Variants in PPP2R3C observed in about 807,000 individuals in gnomAD.
PPP2R3C encodes protein phosphatase 2 regulatory subunit B''gamma, also known as serine/threonine-protein phosphatase 2A regulatory subunit B'' subunit gamma.
In PPP2R3C, 47 loss-of-function variants were observed where a neutral mutation model predicts 63.7. That is an observed-to-expected ratio of 0.74 (90% CI 0.58 to 0.94). The LOEUF (loss-of-function observed/expected upper bound fraction) is 0.94, where lower values mean the gene tolerates loss of function less well. PPP2R3C is among the 40% of genes least tolerant of loss of function. The probability of loss-of-function intolerance (pLI) is 0.00; values close to 1 mark genes in which losing one functional copy is unlikely to be tolerated. For missense variants in PPP2R3C, 421 were observed against 518.4 expected, an observed-to-expected ratio of 0.81 and a Z score of 1.82; for synonymous variants, 180 against 177.4, an observed-to-expected ratio of 1.01 and a Z score of -0.12.
Position 35,096,954 on chromosome 14 carries a change from G to A in PPP2R3C, c.707-190C>T, listed in dbSNP as rs566120550. 5.9e-5 allele frequency among the ~76,000 whole-genome samples: 9 copies of A among 152,228 alleles called. No homozygotes were observed. The East Asian group carries it at 7.7e-4, about 13-fold the overall frequency. On this transcript the variant is annotated intron_variant, in intron 7 of 12. Transcript: ENST00000261475. ...TCTCGGCTGGGCGCGGTGGCTCACC[G>A]CGTAATTCCAGCACTTTGGGAAGCT...
chr14:35,109,034 G>A (rs1260128590), intron 4 of PPP2R3C, among the ~76,000 whole-genome samples: 1 of 151,912 alleles, frequency 6.6e-6, no homozygotes, highest in Non-Finnish European at 1.5e-5. Flanking sequence ...TCTGTCTTAA[G>A]GCTGAAAGTG....
At chr14:35,120,286 C>G (rs1213434606) in intron 1 of PPP2R3C, among the ~76,000 whole-genome samples, 3 of 151,942 alleles carry the variant, frequency 2.0e-5, no homozygotes, top group African/African-American at 7.3e-5. Flanking sequence ...CTCGGTCGCC[C>G]AGGCCGGAGT....
chr14:35,109,740 G>A lies in PPP2R3C; in HGVS notation c.404+79C>T, dbSNP rs1012025118. The A allele has an allele frequency of 5.1e-6, 6 of 1,165,406 alleles. No individual in the cohort carries two copies. The Admixed American group carries it at 1.2e-4, about 23-fold the overall frequency. The allele number at this position is 1,165,406 out of a possible 1,614,324, so 72.2% of individuals were successfully genotyped here. On this transcript the variant is annotated intron_variant, in intron 4 of 12. Transcript: ENST00000261475. ...AAAACTGCTGGGATTACAGGTGTGA[G>A]CCACTGTGCCCAGCCAATATTTGAG...
intron 12 of PPP2R3C, chr14:35,086,429 TGTTAA>T (rs1179256042): frequency 1.3e-5 from 2 of 151,860 alleles, no homozygotes; most frequent in African/African-American, 4.8e-5. Flanking sequence ...AAACTCCTGA[TGTTAA>T]GTAATCTGCC....
intron 1 of PPP2R3C, chr14:35,117,248 G>A (rs534601090): frequency 2.3e-6 from 1 of 437,844 alleles, no homozygotes; most frequent in Admixed American, 2.5e-5. Flanking sequence ...CTATTACCCT[G>A]CAACTCGCCT....
chr14:35,110,231 T>C (rs753292387), intron 3 of PPP2R3C: 10 of 439,898 alleles, frequency 2.3e-5, no homozygotes, highest in Non-Finnish European at 4.0e-5. Flanking sequence ...TAAAGTCATA[T>C]AGCAGGGCTG....
intron 2 of PPP2R3C, among the ~76,000 whole-genome samples, chr14:35,115,754 T>A (rs1038776052): frequency 2.8e-4 from 43 of 152,210 alleles, no homozygotes; most frequent in African/African-American, 1.0e-3. Flanking sequence ...CCTGAGTAGC[T>A]AGGATTACCG....
rs1303227207 is a variant in PPP2R3C, at chr14:35,121,926, C to T, written c.34G>A (p.Ala12Thr). Residue 12 changes from alanine (A) to threonine (T), a missense_variant, in exon 1 of 13, where the codon GCG (alanine) becomes ACG (threonine). Coordinates refer to ENST00000261475, the MANE Select transcript of PPP2R3C (RefSeq NM_017917.4). ...DWKEVLRRRL[A>T]TPNTCPNKKK... ...CTGTTTGGACAGGTGTTGGGCGTCG[C>T]TAGGCGCCGACGAAGAACTTCTTTC... The T allele has an allele frequency of 6.2e-7, 1 of 1,614,164 alleles. No individual in the cohort carries two copies. Among genetic ancestry groups the T allele is most frequent in the South Asian group, 1.1e-5 (1 of 91,088 alleles).
At chr14:35,105,603 A>G (rs1208885428) in intron 6 of PPP2R3C, among the ~76,000 whole-genome samples, 1 of 152,086 alleles carries the variant, frequency 6.6e-6, no homozygotes, top group Non-Finnish European at 1.5e-5. Flanking sequence ...AAAATAAAAA[A>G]CCAAACCCCA....
chr14:35,116,687 T>C lies in PPP2R3C; in HGVS notation c.109A>G (p.Lys37Glu), dbSNP rs1388343537. The C allele has an allele frequency of 1.3e-5, 20 of 1,597,622 alleles. No individual in the cohort carries two copies. The highest frequency in any genetic ancestry group is 1.6e-5 in the Non-Finnish European group (19 of 1,168,932). The change falls in exon 2 of 13, where the codon AAA (lysine) becomes GAA (glutamate). Residue 37 changes from lysine to glutamate, a missense_variant. This residue lies in a region of PPP2R3C where 143 missense variants were observed against 151.2 expected (regional missense o/e 0.95). Transcript: ENST00000261475. ...LKDEEMDLFT[K>E]YYSEWKGGRK... is the part of the protein sequence containing the mutation. ...CCTCCTTTCCATTCGGAGTAATATT[T>C]TGTAAATAAATCCATTTCTTCATCT...
intron 1 of PPP2R3C, 35 bp downstream of exon 1, chr14:35,121,867 G>T (rs2046912780): frequency 6.2e-7 from 1 of 1,612,808 alleles, no homozygotes; most frequent in Non-Finnish European, 8.5e-7. Context: ...TTTAGGGCCG[G>T]GCCATCCCAA....
chr14:35,106,208 A>T (rs967201664), intron 6 of PPP2R3C, among the ~76,000 whole-genome samples: 1 of 152,230 alleles, frequency 6.6e-6, no homozygotes, highest in Non-Finnish European at 1.5e-5. Flanking sequence ...GTTATAGGTC[A>T]GCAAAGGGTA....
chr14:35,088,041 A>C, intron 11 of PPP2R3C, 31 bp from the exon 12 acceptor site: 1 of 1,489,372 alleles, frequency 6.7e-7, no homozygotes, highest in Non-Finnish European at 9.4e-7. Flanking sequence ...TCTGTAAATA[A>C]AAAATGAAAT....
intron 1 of PPP2R3C, chr14:35,117,120 G>C (rs1452993087): frequency 8.8e-6 from 4 of 455,866 alleles, no homozygotes; most frequent in Admixed American, 4.7e-5. Flanking sequence ...GGGTGAGCAA[G>C]ACAGCCCCAG....
intron 1 of PPP2R3C, 195 bp from the exon 2 acceptor site, chr14:35,116,932 C>T (rs1361067255): frequency 6.9e-6 from 3 of 436,664 alleles, no homozygotes; most frequent in East Asian, 1.0e-4. Context: ...GAAGCAGCCT[C>T]CTCTACATCT....
intron 2 of PPP2R3C, among the ~76,000 whole-genome samples, chr14:35,115,552 T>C (rs994747838): frequency 6.6e-6 from 1 of 151,848 alleles, no homozygotes; most frequent in African/African-American, 2.4e-5. Flanking sequence ...AAGGTCTATT[T>C]TGTCTATACG....
chr14:35,114,393 T>C (rs1376866797), intron 2 of PPP2R3C, among the ~76,000 whole-genome samples: 3 of 152,182 alleles, frequency 2.0e-5, no homozygotes, highest in Non-Finnish European at 1.5e-5. Flanking sequence ...ATAAAAAATG[T>C]TCGGTTGAAA....
intron 1 of PPP2R3C, among the ~76,000 whole-genome samples, chr14:35,120,138 A>G (rs1018951247): frequency 7.1e-6 from 1 of 141,658 alleles, no homozygotes; most frequent in African/African-American, 2.6e-5. Flanking sequence ...CGCGCCCGGC[A>G]TCAGTTCATC....
intron 3 of PPP2R3C, 194 bp from the exon 4 acceptor site, chr14:35,110,125 T>A: frequency 1.9e-6 from 1 of 523,386 alleles, no homozygotes; most frequent in Non-Finnish European, 3.4e-6. Context: ...AAGCTTTTGA[T>A]ATACACTGCC....
Sources: gnomAD v4.1 joint callset for allele counts (sites outside exome capture counted in the v4.1 genomes callset) on GRCh38, gnomAD v4.1.1 for gene constraint, gnomAD v4.1.1 regional missense constraint, MANE v1.5 for transcripts, NCBI Gene and HGNC (gene_info 2026-07-23, HGNC 2026-07-21) for gene names.